Variants in PKIG observed in about 807,000 individuals in gnomAD.
PKIG encodes cAMP-dependent protein kinase inhibitor gamma, also known as protein kinase (cAMP-dependent, catalytic) inhibitor gamma.
PKIG carries 1 observed loss-of-function variant against 6.8 expected under a neutral mutation model. The observed-to-expected ratio is 0.15, with a 90% CI of 0.05 to 0.69. The LOEUF (loss-of-function observed/expected upper bound fraction) is 0.69. Ranked by LOEUF, PKIG falls within the 30% of genes least tolerant of loss-of-function variation. The probability of loss-of-function intolerance (pLI) is 0.82; values close to 1 mark genes in which losing one functional copy is unlikely to be tolerated. For synonymous variants in PKIG, 39 were observed against 43.0 expected, an observed-to-expected ratio of 0.91 and a Z score of 0.36; for missense variants, 77 against 104.0, an observed-to-expected ratio of 0.74 and a Z score of 1.13.
At chr20:44,558,801 G>T (rs979949498) in intron 1 of PKIG, among the ~76,000 whole-genome samples, 1 of 150,618 alleles carries the variant, frequency 6.6e-6, no homozygotes, top group Admixed American at 6.7e-5. Context: ...GCCCAGGCTG[G>T]AGTGCAGTGG....
intron 1 of PKIG, among the ~76,000 whole-genome samples, chr20:44,546,247 C>G (rs535233975): frequency 6.6e-6 from 1 of 152,214 alleles, no homozygotes; most frequent in African/African-American, 2.4e-5. Context: ...GAGACCCTGT[C>G]TCAGAGAAGA....
intron 1 of PKIG, among the ~76,000 whole-genome samples, chr20:44,549,464 C>T (rs574598127): frequency 3.2e-4 from 48 of 152,216 alleles, no homozygotes; most frequent in African/African-American, 1.1e-3. Context: ...CAAAAGCTCC[C>T]GCACAAATCA....
rs1361513514 is a variant in PKIG at position 44,618,572 on chromosome 20, C to T, written c.*208C>T. ...ACAGGCTTCACATTCCCACCACCTT[C>T]GCACCGTGCCCAGGTACACTTTCAA... On this transcript the variant is annotated 3_prime_UTR_variant, in exon 4 of 4. Transcript: ENST00000372886. The T allele has an allele frequency of 7.6e-6, 4 of 526,654 alleles. No individual in the cohort carries two copies. The highest frequency in any genetic ancestry group is 3.3e-5 in the East Asian group (1 of 30,554). 32.6% of individuals were successfully genotyped at this position (526,654 alleles called of 1,614,324 possible). A position where few individuals can be genotyped will look rare whatever the true frequency, so the allele number is the denominator to read the frequency against.
At chr20:44,554,847 A>C (rs965423533) in intron 1 of PKIG, among the ~76,000 whole-genome samples, 13 of 152,170 alleles carry the variant, frequency 8.5e-5, no homozygotes, top group Non-Finnish European at 1.5e-4. Flanking sequence ...GCGTGGGGGC[A>C]CCTACAGAGA....
chr20:44,607,599 A>T (rs2065177496), intron 2 of PKIG, among the ~76,000 whole-genome samples: 1 of 147,558 alleles, frequency 6.8e-6, no homozygotes, highest in Non-Finnish European at 1.5e-5. Context: ...CTAGTCTTGA[A>T]CTCCTGACCT....
At chr20:44,570,552 C>G (rs1253771765) in intron 1 of PKIG, among the ~76,000 whole-genome samples, 1 of 152,148 alleles carries the variant, frequency 6.6e-6, no homozygotes, top group African/African-American at 2.4e-5. Flanking sequence ...ATCAGTTTAC[C>G]TATCTCTAAA....
upstream of PKIG, among the ~76,000 whole-genome samples, chr20:44,579,183 A>G (rs926792470): frequency 2.6e-5 from 4 of 152,232 alleles, no homozygotes; most frequent in African/African-American, 9.6e-5. Context: ...CTGGCAGAGA[A>G]AAAAGACCTG....
intron 1 of PKIG, among the ~76,000 whole-genome samples, chr20:44,563,236 A>G (rs1388734922): frequency 9.9e-5 from 15 of 152,222 alleles, no homozygotes; most frequent in Non-Finnish European, 1.5e-5. Context: ...AGGAAAAATC[A>G]TAAGCCCTTT....
chr20:44,614,219 C>T lies in PKIG; in HGVS notation c.-23-315C>T, dbSNP rs901362639. On this transcript the variant is annotated intron_variant, in intron 2 of 3. Coordinates refer to ENST00000372886, the MANE Select transcript of PKIG (RefSeq NM_001281445.2). The surrounding 1 kb of genome is among the most constrained non-coding windows in gnomAD (Gnocchi z 4.6). Reference sequence around the variant, plus strand: ...AGCTCTGTGAGGCCAGGGACCATGGCCAGTTTGTTCATGGTGGTATCTGTG... The same window carrying T: ...AGCTCTGTGAGGCCAGGGACCATGGTCAGTTTGTTCATGGTGGTATCTGTG... 1.3e-5 allele frequency: 3 copies of T among 239,866 alleles called. No homozygotes were observed. The highest frequency in any genetic ancestry group is 2.5e-5 in the Non-Finnish European group (3 of 121,686). 14.9% of individuals were successfully genotyped at this position (239,866 alleles called of 1,614,324 possible).
At chr20:44,553,279 G>A (rs1237426609) in intron 1 of PKIG, among the ~76,000 whole-genome samples, 3 of 152,156 alleles carry the variant, frequency 2.0e-5, no homozygotes, top group African/African-American at 7.2e-5. Context: ...GTGCCAGTAT[G>A]ACCAACGCCA....
intron 1 of PKIG, among the ~76,000 whole-genome samples, chr20:44,540,577 T>G (rs1254689384): frequency 6.6e-6 from 1 of 152,094 alleles, no homozygotes; most frequent in Non-Finnish European, 1.5e-5. Flanking sequence ...TTTTTTGTTT[T>G]TGTTTTTGTT....
At chr20:44,602,891 A>G (rs1404525493) in intron 2 of PKIG, among the ~76,000 whole-genome samples, 3 of 151,896 alleles carry the variant, frequency 2.0e-5, no homozygotes, top group African/African-American at 7.3e-5. Context: ...TTCAAACTTC[A>G]TTATTTAGAT....
At chr20:44,537,295 C>T (rs1352469417) in intron 1 of PKIG, among the ~76,000 whole-genome samples, 1 of 151,996 alleles carries the variant, frequency 6.6e-6, no homozygotes, top group African/African-American at 2.4e-5. Context: ...GTAGAGACAG[C>T]ATTCTCCATG....
upstream of PKIG, among the ~76,000 whole-genome samples, chr20:44,578,116 G>A (rs773726317): frequency 3.3e-5 from 5 of 151,984 alleles, no homozygotes; most frequent in East Asian, 3.9e-4. Context: ...CAAGGTGGGC[G>A]GATCACGAGG....
At chr20:44,604,851 A>G (rs1439007677) in intron 2 of PKIG, among the ~76,000 whole-genome samples, 1 of 152,240 alleles carries the variant, frequency 6.6e-6, no homozygotes, top group African/African-American at 2.4e-5. Context: ...GAAAGAAAGA[A>G]GACTCAATAT....
At chr20:44,559,601 T>C (rs1273353499) in intron 1 of PKIG, among the ~76,000 whole-genome samples, 3 of 152,204 alleles carry the variant, frequency 2.0e-5, no homozygotes, top group South Asian at 4.1e-4. Flanking sequence ...TTTTTTAAGG[T>C]TCAGAGTCCC....
intron 1 of PKIG, among the ~76,000 whole-genome samples, chr20:44,533,378 T>TGTAG (rs1388095277): frequency 5.3e-5 from 8 of 152,184 alleles, no homozygotes; most frequent in Admixed American, 4.6e-4. Flanking sequence ...CAAGGCACTG[T>TGTAG]GTAGGTAGTA....
chr20:44,534,975 G>T (rs2064499680), intron 1 of PKIG, among the ~76,000 whole-genome samples: 1 of 152,138 alleles, frequency 6.6e-6, no homozygotes. Flanking sequence ...TGATATGATT[G>T]TCTGCTGAGA....
chr20:44,586,626 T>C (rs906746397), intron 1 of PKIG, among the ~76,000 whole-genome samples: 1 of 152,140 alleles, frequency 6.6e-6, no homozygotes, highest in Non-Finnish European at 1.5e-5. Flanking sequence ...ACTGGCCCAA[T>C]TAACTCTGCC....
Sources: gnomAD v4.1 joint callset for allele counts (sites outside exome capture counted in the v4.1 genomes callset) on GRCh38, gnomAD v4.1.1 for gene constraint, Gnocchi (gnomAD v3.1) non-coding constraint, MANE v1.5 for transcripts, NCBI Gene and HGNC (gene_info 2026-07-23, HGNC 2026-07-21) for gene names.